Variants in PCDHGA4 observed in about 807,000 individuals in gnomAD.
PCDHGA4 encodes protocadherin gamma subfamily A, 4.
In PCDHGA4, 38 loss-of-function variants were observed where a neutral mutation model predicts 54.6. That is an observed-to-expected ratio of 0.70 (90% CI 0.54 to 0.91). The LOEUF (loss-of-function observed/expected upper bound fraction) is 0.91. Among genes scored for constraint, PCDHGA4 ranks in the 40% least tolerant of loss-of-function variants. The probability of loss-of-function intolerance (pLI) is 0.00; values close to 1 mark genes in which losing one functional copy is unlikely to be tolerated. For missense variants in PCDHGA4, 1,298 were observed against 1,220.9 expected (o/e 1.06, Z -0.94); for synonymous variants, 511 against 512.9 (o/e 1.00, Z 0.05).
intron 2 of PCDHGA4, among the ~76,000 whole-genome samples, chr5:141,495,550 G>A (rs999176899): frequency 6.6e-6 from 1 of 151,958 alleles, no homozygotes; most frequent in Non-Finnish European, 1.5e-5. Context: ...TCTCTATCTC[G>A]CTTTGCAATC....
chr5:141,419,368 C>T, intron 1 of PCDHGA4: 1 of 1,613,776 alleles, frequency 6.2e-7, no homozygotes, highest in Non-Finnish European at 8.5e-7. Context: ...CGCTGTCGTC[C>T]TACGTGTCCG....
At chr5:141,415,312 A>G (rs1245475147) in intron 1 of PCDHGA4, 1 of 1,614,222 alleles carries the variant, frequency 6.2e-7, no homozygotes, top group Non-Finnish European at 8.5e-7. Context: ...GGCCTTCGTC[A>G]TCGTGCTGCT....
chr5:141,393,169 T>C lies in PCDHGA4; in HGVS notation c.2514+35548T>C, dbSNP rs113280752. 2,582 of 1,613,090 alleles carry C rather than the reference T, an allele frequency of 1.6e-3. 1 individual carries two copies. The highest frequency in any genetic ancestry group is 1.9e-3 in the Non-Finnish European group (2,191 of 1,179,870). On this transcript the variant is annotated intron_variant, in intron 1 of 3. Coordinates refer to ENST00000571252, the MANE Select transcript of PCDHGA4 (RefSeq NM_018917.4). ...GAGGATAAAGGAAAACTCTTTGGGGTAGAAATAGAAATAATTGATATTAAC... is the reference window on the plus strand; with the variant it reads ...GAGGATAAAGGAAAACTCTTTGGGGCAGAAATAGAAATAATTGATATTAAC...
At chr5:141,458,075 A>G (rs1301404730) in intron 1 of PCDHGA4, among the ~76,000 whole-genome samples, 2 of 152,234 alleles carry the variant, frequency 1.3e-5, no homozygotes, top group Non-Finnish European at 2.9e-5. Flanking sequence ...GAACAACTAT[A>G]TTGCCGTAAG....
intron 1 of PCDHGA4, chr5:141,372,659 T>A: frequency 6.2e-7 from 1 of 1,614,058 alleles, no homozygotes; most frequent in Non-Finnish European, 8.5e-7. Context: ...ACAATCCGTG[T>A]GCTGCCTCAC....
intron 1 of PCDHGA4, chr5:141,403,407 A>T (rs2094404225): frequency 6.2e-7 from 1 of 1,613,940 alleles, no homozygotes. Context: ...GGAGCACGTT[A>T]TCCACTTCCA....
At chr5:141,380,342 T>C (rs1288076589) in intron 1 of PCDHGA4, among the ~76,000 whole-genome samples, 1 of 152,198 alleles carries the variant, frequency 6.6e-6, no homozygotes, top group Admixed American at 6.5e-5. Context: ...CAAAGAACTG[T>C]TTTGTTGTTT....
chr5:141,356,198 T>G lies in PCDHGA4; in HGVS notation c.1091T>G (p.Val364Gly). Reference sequence around the variant, plus strand: ...CCTGGTCTCCGAGCTAGAAGCAAGGTACTGGTGACAGTTCTGGATGAAAAT... The same window carrying G: ...CCTGGTCTCCGAGCTAGAAGCAAGGGACTGGTGACAGTTCTGGATGAAAAT... Reference protein sequence around the residue: ...DGPGLRARSKVLVTVLDENDN... With the variant: ...DGPGLRARSKGLVTVLDENDN... Residue 364 changes from valine (V) to glycine (G), a missense_variant, in exon 1 of 4, where the codon GTA (valine) becomes GGA (glycine). By Grantham distance (109) the Val-to-Gly change is moderately radical (BLOSUM62 -3). Coordinates refer to ENST00000571252, the MANE Select transcript of PCDHGA4 (RefSeq NM_018917.4). 1 of 1,608,990 alleles carries G rather than the reference T, an allele frequency of 6.2e-7. No homozygotes were observed. The highest frequency in any genetic ancestry group is 8.5e-7 in the Non-Finnish European group (1 of 1,177,432).
chr5:141,501,693 G>T (rs1417828433), intron 2 of PCDHGA4, among the ~76,000 whole-genome samples: 1 of 152,028 alleles, frequency 6.6e-6, no homozygotes, highest in Non-Finnish European at 1.5e-5. Context: ...TATCTGCAGG[G>T]TGATTCCGAG....
chr5:141,485,607 C>T lies in PCDHGA4; in HGVS notation c.2515-9200C>T. On this transcript the variant is annotated intron_variant, in intron 1 of 3. Coordinates refer to ENST00000571252, the MANE Select transcript of PCDHGA4 (RefSeq NM_018917.4). The surrounding 1 kb of genome is among the most constrained non-coding windows in gnomAD (Gnocchi z 5.7). ...CAGCTGGACTTGGAAATTGGGGAGG[C>T]AGCTCCTCCAGGACAGCGTTTCCCG... is the stretch of plus-strand genomic sequence containing the variant. 1 of 1,612,008 alleles carries T rather than the reference C, an allele frequency of 6.2e-7. No individual in the cohort carries two copies. The highest frequency in any genetic ancestry group is 8.5e-7 in the Non-Finnish European group (1 of 1,178,534).
chr5:141,497,473 AGGT>A (rs2099776769), intron 2 of PCDHGA4, among the ~76,000 whole-genome samples: 1 of 151,750 alleles, frequency 6.6e-6, no homozygotes. Flanking sequence ...ATGGAGGAGA[AGGT>A]GCGGAACCTC....
chr5:141,410,140 G>GCGTGA, intron 1 of PCDHGA4: 1 of 1,612,782 alleles, frequency 6.2e-7, no homozygotes, highest in Non-Finnish European at 8.5e-7. Flanking sequence ...TGGTCGCTGT[G>GCGTGA]CGTGACGGTG....
chr5:141,475,486 T>G (rs576743657), intron 1 of PCDHGA4, among the ~76,000 whole-genome samples: 1 of 152,252 alleles, frequency 6.6e-6, no homozygotes, highest in Non-Finnish European at 1.5e-5. Flanking sequence ...TGGTAAGAGA[T>G]AAAACTGAAA....
chr5:141,374,849 C>A (rs1770893112), intron 1 of PCDHGA4: 3 of 1,613,636 alleles, frequency 1.9e-6, no homozygotes, highest in South Asian at 1.1e-5. Context: ...TGAAAACCTG[C>A]CAGTAGGCAC....
rs753233498 is a variant in PCDHGA4, at chr5:141,364,455, G to T, written c.2514+6834G>T. 13 of 1,613,882 alleles carry T rather than the reference G, an allele frequency of 8.1e-6. No homozygotes were observed. In the South Asian group the frequency reaches 1.2e-4, roughly 15 times the overall value. ...TCGATGCCGGAGGAGCTGGACAAAG[G>T]CTCCTTCGTCGGCAACATAGCCAAG... On this transcript the variant is annotated intron_variant, in intron 1 of 3. Coordinates refer to ENST00000571252, the MANE Select transcript of PCDHGA4 (RefSeq NM_018917.4).
intron 1 of PCDHGA4, chr5:141,393,568 T>G (rs549396721): frequency 1.2e-6 from 2 of 1,613,904 alleles, no homozygotes; most frequent in African/African-American, 2.7e-5. Context: ...GTGAAAGTCC[T>G]TGAGAACATG....
intron 1 of PCDHGA4, among the ~76,000 whole-genome samples, chr5:141,443,070 T>C (rs983773796): frequency 6.6e-6 from 1 of 152,244 alleles, no homozygotes; most frequent in African/African-American, 2.4e-5. Flanking sequence ...GAGCGTCTTA[T>C]GACTGAGTGT....
In PCDHGA4 at chr5:141,432,059, A is replaced by G. The variant is rs752124614; in HGVS notation, c.2515-62748A>G. The stretch of plus-strand genomic sequence containing the variant: ...TGACCGGGGAACCCCGCCCCTATCC[A>G]CGGAAACTCATATCTCGCTGAACGT... On this transcript the variant is annotated intron_variant, in intron 1 of 3. Coordinates refer to ENST00000571252, the MANE Select transcript of PCDHGA4 (RefSeq NM_018917.4). The surrounding 1 kb of genome is among the most constrained non-coding windows in gnomAD (Gnocchi z 6.0). 17 of 1,614,052 alleles carry G rather than the reference A, an allele frequency of 1.1e-5. No individual in the cohort carries two copies. The highest frequency in any genetic ancestry group is 1.3e-5 in the African/African-American group (1 of 74,918).
intron 1 of PCDHGA4, chr5:141,413,935 A>G: frequency 1.2e-6 from 2 of 1,613,372 alleles, no homozygotes; most frequent in Non-Finnish European, 1.7e-6. Flanking sequence ...ATACCGAGTG[A>G]GTGTTCCTGA....
Sources: gnomAD v4.1 joint callset for allele counts (sites outside exome capture counted in the v4.1 genomes callset) on GRCh38, gnomAD v4.1.1 for gene constraint, Gnocchi (gnomAD v3.1) non-coding constraint, MANE v1.5 for transcripts, NCBI Gene and HGNC (gene_info 2026-07-23, HGNC 2026-07-21) for gene names.